The following AIDA variants were observed in gnomAD, a reference collection of about 807,000 sequenced individuals.
AIDA encodes the protein axin interactor, dorsalization associated, also known as axin interactor, dorsalization-associated protein.
A neutral mutation model predicts 42.7 loss-of-function variants in AIDA; 18 were observed. The observed-to-expected ratio is 0.42, with a 90% confidence interval of 0.29 to 0.63. The LOEUF is 0.63. Ranked by LOEUF, AIDA falls within the 20% of genes least tolerant of loss-of-function variation. The pLI, the probability that AIDA is intolerant of heterozygous loss-of-function variation, is 0.19. For missense variants in AIDA, 250 were observed against 354.1 expected (o/e 0.71, Z 2.36); for synonymous variants, 104 against 122.9 (o/e 0.85, Z 1.02).
Position 222,693,992 on chromosome 1 carries a change from T to A in AIDA, c.235-149A>T, listed in dbSNP as rs528865910. The A allele has an allele frequency of 3.7e-5, 33 of 884,070 alleles. No homozygotes were observed. In the South Asian group the frequency reaches 6.7e-4, roughly 18 times the overall value. The allele number at this position is 884,070 out of a possible 1,614,324, so 54.8% of individuals were successfully genotyped here. ...AAAGTCCCAAACTGGTTTTTGTTTA[T>A]TTTTGGAACACTCAGGCCAAAAATA... On this transcript the variant is annotated intron_variant, in intron 3 of 9. Transcript: ENST00000340020.
intron 8 of AIDA, 77 bp downstream of exon 8, chr1:222,673,236 G>C: frequency 7.4e-7 from 1 of 1,349,142 alleles, no homozygotes; most frequent in Non-Finnish European, 1.0e-6. Context: ...AACTATGCTA[G>C]GTCCACCATA....
Position 222,689,479 on chromosome 1 carries a change from GTGTATATATATATATATATATATATATA to G in AIDA, c.290-1849_290-1822del, listed in dbSNP as rs1188622202. Among the ~76,000 whole-genome samples, 354 of 45,240 alleles carry G rather than the reference GTGTATATATATATATATATATATATATA, an allele frequency of 7.8e-3. 3 individuals carry two copies. Among genetic ancestry groups the G allele is most frequent in the Middle Eastern group, 0.042 (3 of 72 alleles). The allele number at this position is 45,240 out of a possible 152,430, so 29.7% of individuals were successfully genotyped here. A position where few individuals can be genotyped will look rare whatever the true frequency, so the allele number is the denominator to read the frequency against. On this transcript the variant is annotated intron_variant, in intron 4 of 9. Transcript: ENST00000340020. ...AAAAAGAAAATATGTATGTGTGTGT[GTGTATATATATATATATATATATATATA>G]TATATATATATATACACACATACAC...
At chr1:222,697,970 T>C (rs1398964066) in intron 2 of AIDA, among the ~76,000 whole-genome samples, 3 of 151,408 alleles carry the variant, frequency 2.0e-5, no homozygotes, top group Admixed American at 1.3e-4. Flanking sequence ...AGGGAAACGC[T>C]TTCTAAGCAT....
chr1:222,673,441 GAGAAA>G lies in AIDA; in HGVS notation c.584-11_584-7del. 6.4e-7 allele frequency: 1 copy of G among 1,557,004 alleles called. No individual in the cohort carries two copies. The highest frequency in any genetic ancestry group is 8.7e-7 in the Non-Finnish European group (1 of 1,153,678). On this transcript the variant is annotated splice_region_variant and splice_polypyrimidine_tract_variant and intron_variant, in intron 7 of 9. Transcript: ENST00000340020. ...TAAGTCTATGCCATTCAGATCTAAA[GAGAAA>G]AGAAGTTTCTCTTTAGGAACATTCA... is the stretch of plus-strand genomic sequence containing the variant.
rs1664399830 is a variant in AIDA at position 222,669,197 on chromosome 1, C to CAGCT, written c.*692_*695dup. On this transcript the variant is annotated 3_prime_UTR_variant, in exon 10 of 10. Coordinates refer to ENST00000340020, the MANE Select transcript of AIDA (RefSeq NM_022831.4). ...AGAGTAACAATGTGATGTAGAAGAACAGCTAATCGACATGACTAAAAATAT... is the reference window on the plus strand; with the variant it reads ...AGAGTAACAATGTGATGTAGAAGAACAGCTAGCTAATCGACATGACTAAAAATAT... 1 of 145,254 alleles carries CAGCT rather than the reference C, an allele frequency of 6.9e-6. No individual in the cohort carries two copies. The highest frequency in any genetic ancestry group is 1.5e-5 in the Non-Finnish European group (1 of 66,524). 9.0% of individuals were successfully genotyped at this position (145,254 alleles called of 1,614,324 possible).
intron 8 of AIDA, 27 bp downstream of exon 8, chr1:222,673,286 A>C (rs751771105): frequency 5.7e-6 from 9 of 1,582,290 alleles, no homozygotes; most frequent in South Asian, 2.4e-5. Context: ...GTCCATAAGA[A>C]GCCAAGTATT....
intron 8 of AIDA, among the ~76,000 whole-genome samples, chr1:222,672,621 T>C (rs1664469051): frequency 6.6e-6 from 1 of 152,160 alleles, no homozygotes; most frequent in South Asian, 2.1e-4. Flanking sequence ...AAAGGTCTTT[T>C]AGTGGGGGAA....
chr1:222,696,763 G>A (rs1291670653), intron 2 of AIDA, among the ~76,000 whole-genome samples: 1 of 152,184 alleles, frequency 6.6e-6, no homozygotes, highest in East Asian at 1.9e-4. Flanking sequence ...AGTGAGATAT[G>A]TCAATTACTA....
intron 3 of AIDA, 112 bp downstream of exon 3, chr1:222,694,098 T>C: frequency 9.8e-7 from 1 of 1,025,334 alleles, no homozygotes; most frequent in Non-Finnish European, 1.4e-6. Flanking sequence ...ATAGATGTTG[T>C]TATAAAACAC....
At chr1:222,670,445 G>A (rs1167982148) in intron 8 of AIDA, among the ~76,000 whole-genome samples, 195 bp from the exon 9 acceptor site, 2 of 152,156 alleles carry the variant, frequency 1.3e-5, no homozygotes, top group Non-Finnish European at 2.9e-5. Context: ...TGAGTAGAGT[G>A]ACATTTCTCC....
intron 4 of AIDA, among the ~76,000 whole-genome samples, chr1:222,691,219 G>A (rs1655359866): frequency 6.6e-6 from 1 of 152,158 alleles, no homozygotes; most frequent in Non-Finnish European, 1.5e-5. Context: ...ACAGCCTGGA[G>A]CAACAACAAA....
intron 2 of AIDA, among the ~76,000 whole-genome samples, chr1:222,700,829 T>C (rs1359667340): frequency 2.0e-5 from 3 of 151,898 alleles, no homozygotes; most frequent in African/African-American, 7.3e-5. Context: ...ATGTGGCTGC[T>C]AAGGAATAGC....
intron 7 of AIDA, among the ~76,000 whole-genome samples, chr1:222,675,298 C>T (rs1219348224): frequency 1.3e-5 from 2 of 152,162 alleles, no homozygotes; most frequent in Non-Finnish European, 2.9e-5. Context: ...CATTCTCAAT[C>T]ACCCAATAAT....
chr1:222,676,280 C>A, intron 6 of AIDA, 62 bp from the exon 7 acceptor site: 1 of 1,517,236 alleles, frequency 6.6e-7, no homozygotes, highest in Non-Finnish European at 8.8e-7. Context: ...TTTTAATGAA[C>A]ACAGAGAAGA....
intron 4 of AIDA, among the ~76,000 whole-genome samples, chr1:222,691,081 A>T (rs1655357025): frequency 6.6e-6 from 1 of 152,198 alleles, no homozygotes; most frequent in African/African-American, 2.4e-5. Context: ...AAGAGGGAAA[A>T]CTTTAGCTAA....
In AIDA at chr1:222,708,516, C is replaced by T. The variant is rs188099234; in HGVS notation, c.110+3692G>A. ...CCGAGCAGCTGGGACTACAGGCACA[C>T]GCCACCACGCCCGGCTAATGTTTTT... On this transcript the variant is annotated intron_variant, in intron 1 of 9. Coordinates refer to ENST00000340020, the MANE Select transcript of AIDA (RefSeq NM_022831.4). Among the ~76,000 whole-genome samples, 127 of 151,818 alleles carry T rather than the reference C, an allele frequency of 8.4e-4. No homozygotes were observed. In the East Asian group the frequency reaches 0.021, roughly 25 times the overall value.
At chr1:222,705,687 A>T (rs1048644464) in intron 1 of AIDA, among the ~76,000 whole-genome samples, 80 of 152,320 alleles carry the variant, frequency 5.3e-4, no homozygotes, top group African/African-American at 1.8e-3. Context: ...GTTCGAGACC[A>T]GCCTAGCCAA....
chr1:222,708,290 G>A (rs376237388), intron 1 of AIDA, among the ~76,000 whole-genome samples: 5 of 150,558 alleles, frequency 3.3e-5, no homozygotes, highest in South Asian at 4.2e-4. Context: ...CAGCCTGGGC[G>A]ACAGAGTGAG....
chr1:222,670,262 A>C lies in AIDA; in HGVS notation c.707-12T>G. On this transcript the variant is annotated splice_polypyrimidine_tract_variant and intron_variant, in intron 8 of 9. Coordinates refer to ENST00000340020, the MANE Select transcript of AIDA (RefSeq NM_022831.4). ...GAAGATAGCTGCACCTAAGGAATTA[A>C]AACAAGCCACATAAACCACAGATAG... 1.2e-6 allele frequency: 2 copies of C among 1,604,656 alleles called. No individual in the cohort carries two copies. The highest frequency in any genetic ancestry group is 2.2e-5 in the South Asian group (2 of 90,348).
Sources: gnomAD v4.1 joint callset for allele counts (sites outside exome capture counted in the v4.1 genomes callset) on GRCh38, gnomAD v4.1.1 for gene constraint, MANE v1.5 for transcripts, NCBI Gene and HGNC (gene_info 2026-07-23, HGNC 2026-07-21) for gene names.